TENM3: variants seen among roughly 807,000 people sequenced by gnomAD.
TENM3 encodes teneurin transmembrane protein 3, also known as teneurin-3.
TENM3 carries 63 observed loss-of-function variants against 255.1 expected under a neutral mutation model. The observed-to-expected ratio is 0.25, with a 90% CI of 0.20 to 0.30. The LOEUF (loss-of-function observed/expected upper bound fraction) is 0.30, where lower values mean the gene tolerates loss of function less well. Ranked by LOEUF, TENM3 falls within the 10% of genes least tolerant of loss-of-function variation. TENM3 has a pLI of 1.00. For synonymous variants in TENM3, 1,306 were observed against 1,322.3 expected, an observed-to-expected ratio of 0.99 and a Z score of 0.27; for missense variants, 2,929 against 3,461.1, an observed-to-expected ratio of 0.85 and a Z score of 3.86.
intron 1 of TENM3, among the ~76,000 whole-genome samples, chr4:182,154,847 T>C (rs532499564): frequency 5.9e-5 from 9 of 152,356 alleles, no homozygotes; most frequent in African/African-American, 1.9e-4. Flanking sequence ...GAGCATATTA[T>C]AGCTTGCTTT....
At chr4:181,910,112 G>A in the TENM3 span, among the ~76,000 whole-genome samples, 2 of 152,096 alleles carry the variant, frequency 1.3e-5, no homozygotes, top group Non-Finnish European at 2.9e-5. Flanking sequence ...CTTGTCCTCA[G>A]TTATTCTATT....
chr4:181,633,006 T>G, the TENM3 span, among the ~76,000 whole-genome samples: 1 of 152,218 alleles, frequency 6.6e-6, no homozygotes, highest in African/African-American at 2.4e-5. Context: ...ATTTTCTCCA[T>G]GACAAACATG....
the TENM3 span, among the ~76,000 whole-genome samples, chr4:182,064,103 C>T: frequency 6.6e-6 from 1 of 151,884 alleles, no homozygotes; most frequent in Admixed American, 6.6e-5. Context: ...GCCTCAGTCT[C>T]CTCAACCGTG....
chr4:182,445,567 A>G (rs1159610999), intron 3 of TENM3, among the ~76,000 whole-genome samples: 1 of 152,094 alleles, frequency 6.6e-6, no homozygotes, highest in Non-Finnish European at 1.5e-5. Context: ...ATATGAAGCT[A>G]AGTTGGTGCC....
chr4:181,822,867 T>C, the TENM3 span, among the ~76,000 whole-genome samples: 3 of 152,166 alleles, frequency 2.0e-5, no homozygotes, highest in Non-Finnish European at 4.4e-5. Context: ...CTAATTCTCC[T>C]ACAAAATTGT....
the TENM3 span, among the ~76,000 whole-genome samples, chr4:181,596,614 AT>A: frequency 2.6e-5 from 4 of 152,218 alleles, no homozygotes; most frequent in African/African-American, 9.6e-5. Flanking sequence ...AAAAAGAACT[AT>A]TTAAAAAAAA....
the TENM3 span, among the ~76,000 whole-genome samples, chr4:182,006,008 G>C: frequency 6.6e-6 from 1 of 152,130 alleles, no homozygotes; most frequent in Non-Finnish European, 1.5e-5. Context: ...CATGTAGCCT[G>C]CCAGCAGAGA....
chr4:182,102,838 G>A, the TENM3 span, among the ~76,000 whole-genome samples: 1 of 152,152 alleles, frequency 6.6e-6, no homozygotes, highest in Non-Finnish European at 1.5e-5. Flanking sequence ...GTTAGTGGGA[G>A]GATTAAATGA....
At chr4:182,036,718 C>G in the TENM3 span, among the ~76,000 whole-genome samples, 3 of 152,226 alleles carry the variant, frequency 2.0e-5, no homozygotes, top group East Asian at 3.9e-4. Context: ...TTATAGGAAC[C>G]GCTACTCTTG....
the TENM3 span, among the ~76,000 whole-genome samples, chr4:182,090,010 A>T: frequency 2.6e-5 from 4 of 152,240 alleles, no homozygotes. Flanking sequence ...ACAACAAAAA[A>T]TAAAATAATT....
chr4:182,201,413 G>T (rs913633010), intron 1 of TENM3, among the ~76,000 whole-genome samples: 1 of 152,170 alleles, frequency 6.6e-6, no homozygotes, highest in African/African-American at 2.4e-5. Flanking sequence ...CGATTAAGAT[G>T]AACAGTTTCG....
chr4:181,521,817 C>T, the TENM3 span, among the ~76,000 whole-genome samples: 1 of 152,082 alleles, frequency 6.6e-6, no homozygotes, highest in African/African-American at 2.4e-5. Flanking sequence ...CCAATGTGGG[C>T]CGGGTGTGGT....
At chr4:182,205,037 A>G (rs1022508277) in intron 1 of TENM3, among the ~76,000 whole-genome samples, 1 of 152,210 alleles carries the variant, frequency 6.6e-6, no homozygotes, top group African/African-American at 2.4e-5. Context: ...CTTTATGCTC[A>G]TTAGCTTTTC....
At chr4:181,929,021 T>C in the TENM3 span, among the ~76,000 whole-genome samples, 1 of 152,122 alleles carries the variant, frequency 6.6e-6, no homozygotes, top group African/African-American at 2.4e-5. Context: ...CAAGAGCTCC[T>C]GAAGGAAGCA....
intron 1 of TENM3, among the ~76,000 whole-genome samples, chr4:182,268,284 G>A (rs537738273): frequency 6.6e-6 from 1 of 152,258 alleles, no homozygotes; most frequent in East Asian, 1.9e-4. Context: ...AAACTCAAGA[G>A]TTATAAATAA....
the TENM3 span, among the ~76,000 whole-genome samples, chr4:182,076,289 C>A: frequency 6.6e-6 from 1 of 151,508 alleles, no homozygotes; most frequent in Non-Finnish European, 1.5e-5. Flanking sequence ...ACTGCAACCT[C>A]CGCCTCCTGG....
chr4:182,094,560 T>G, the TENM3 span, among the ~76,000 whole-genome samples: 1 of 152,196 alleles, frequency 6.6e-6, no homozygotes, highest in African/African-American at 2.4e-5. Context: ...AGCCTTATTC[T>G]TAAAGTTCAA....
intron 3 of TENM3, among the ~76,000 whole-genome samples, chr4:182,554,169 C>A (rs1742354733): frequency 6.6e-6 from 1 of 152,130 alleles, no homozygotes; most frequent in Admixed American, 6.5e-5. Context: ...TTCTGATGAC[C>A]AGCTGAGTTT....
intron 3 of TENM3, among the ~76,000 whole-genome samples, chr4:182,440,308 G>A (rs1417634898): frequency 6.6e-6 from 1 of 151,720 alleles, no homozygotes; most frequent in Non-Finnish European, 1.5e-5. Flanking sequence ...GAGACGGGGT[G>A]TCACCATCTT....
Sources: allele counts gnomAD v4.1 joint callset (sites outside exome capture counted in the v4.1 genomes callset), GRCh38; gene constraint gnomAD v4.1.1; transcripts MANE v1.5; gene names NCBI Gene and HGNC (gene_info 2026-07-23, HGNC 2026-07-21).